The following RANBP2 variants were observed in gnomAD, a reference collection of about 807,000 sequenced individuals.
RANBP2 encodes RAN binding protein 2.
A neutral mutation model predicts 303.6 loss-of-function variants in RANBP2; 57 were observed. That is an observed-to-expected ratio of 0.19 (90% CI 0.15 to 0.23). The LOEUF is 0.23. Ranked by LOEUF, RANBP2 falls within the 10% of genes least tolerant of loss-of-function variation. The pLI is 1.00. For missense variants in RANBP2, 3,138 were observed against 3,780.8 expected (o/e 0.83, Z 4.46); for synonymous variants, 1,167 against 1,301.5 (o/e 0.90, Z 2.23).
chr2:109,341,620 A>G, the RANBP2 span, among the ~76,000 whole-genome samples: 2 of 152,180 alleles, frequency 1.3e-5, no homozygotes, highest in Non-Finnish European at 2.9e-5. Context: ...TTCTTACTTC[A>G]TGGTATGGGG....
the RANBP2 span, among the ~76,000 whole-genome samples, chr2:108,843,844 T>TTGTGTGTG: frequency 5.7e-3 from 129 of 22,820 alleles, 2 homozygotes; most frequent in South Asian, 0.013. Flanking sequence ...AGTTCATGTT[T>TTGTGTGTG]TGTGTGTGTG....
chr2:109,276,560 A>G, the RANBP2 span, among the ~76,000 whole-genome samples: 1 of 152,218 alleles, frequency 6.6e-6, no homozygotes, highest in African/African-American at 2.4e-5. Flanking sequence ...GTAACTGGAG[A>G]AAACTTGTGT....
chr2:109,446,251 C>T, the RANBP2 span, among the ~76,000 whole-genome samples: 2 of 152,124 alleles, frequency 1.3e-5, no homozygotes, highest in Non-Finnish European at 2.9e-5. Flanking sequence ...TCTGTGAAAT[C>T]GGAAGTGACA....
chr2:109,615,797 G>A, the RANBP2 span: 3 of 1,614,088 alleles, frequency 1.9e-6, no homozygotes, highest in Admixed American at 1.7e-5. Context: ...AAGATGGAGG[G>A]GACCATCACC....
chr2:109,032,476 G>A, the RANBP2 span, among the ~76,000 whole-genome samples: 9 of 152,286 alleles, frequency 5.9e-5, no homozygotes, highest in Middle Eastern at 3.4e-3. Context: ...GACATCGGTC[G>A]AATGTGTGAG....
the RANBP2 span, among the ~76,000 whole-genome samples, chr2:109,571,315 G>A: frequency 6.6e-6 from 1 of 152,172 alleles, no homozygotes; most frequent in Non-Finnish European, 1.5e-5. Flanking sequence ...AAATGCGATA[G>A]AAATATGATC....
the RANBP2 span, among the ~76,000 whole-genome samples, chr2:109,070,468 T>C: frequency 3.9e-5 from 6 of 152,052 alleles, no homozygotes; most frequent in African/African-American, 1.4e-4. Flanking sequence ...TGGGAGGTGA[T>C]TGGGTCGTGG....
the RANBP2 span, among the ~76,000 whole-genome samples, chr2:108,950,286 T>C: frequency 6.6e-6 from 1 of 151,672 alleles, no homozygotes. Context: ...TTTCTTTTTT[T>C]TCTTTTTTTG....
the RANBP2 span, among the ~76,000 whole-genome samples, chr2:109,686,620 A>AT: frequency 4.6e-5 from 7 of 151,028 alleles, no homozygotes; most frequent in Admixed American, 1.3e-4. Context: ...GCTTCTTACT[A>AT]TTTTTTTTTA....
chr2:108,840,952 C>T, the RANBP2 span, among the ~76,000 whole-genome samples: 1 of 152,116 alleles, frequency 6.6e-6, no homozygotes, highest in African/African-American at 2.4e-5. Flanking sequence ...GCTGGGATTA[C>T]AGATGCCCAC....
chr2:108,879,947 G>A, the RANBP2 span, among the ~76,000 whole-genome samples: 36 of 152,080 alleles, frequency 2.4e-4, no homozygotes, highest in Admixed American at 7.9e-4. Flanking sequence ...GCAGGGTGGT[G>A]GACTATATCT....
chr2:108,942,165 G>A, the RANBP2 span, among the ~76,000 whole-genome samples: 1 of 152,176 alleles, frequency 6.6e-6, no homozygotes, highest in South Asian at 2.1e-4. Flanking sequence ...AGCGCCAGAC[G>A]TGTCACTAAA....
chr2:109,660,497 A>T, the RANBP2 span, among the ~76,000 whole-genome samples: 5 of 152,216 alleles, frequency 3.3e-5, no homozygotes. Flanking sequence ...TGCTCAAAAC[A>T]CCAAGAACCT....
chr2:109,136,400 A>G, the RANBP2 span, among the ~76,000 whole-genome samples: 1 of 152,180 alleles, frequency 6.6e-6, no homozygotes. Context: ...AATTAACTTT[A>G]AAAGAACAGG....
chr2:109,509,824 A>G, the RANBP2 span, among the ~76,000 whole-genome samples: 1 of 152,000 alleles, frequency 6.6e-6, no homozygotes, highest in Admixed American at 6.6e-5. Context: ...CAACATATGA[A>G]TTTTCGGGGA....
At chr2:109,525,655 G>T in the RANBP2 span, among the ~76,000 whole-genome samples, 1 of 152,194 alleles carries the variant, frequency 6.6e-6, no homozygotes, top group Non-Finnish European at 1.5e-5. Context: ...TCACCATCAG[G>T]GTAGCTCAGG....
chr2:109,008,174 A>G, the RANBP2 span, among the ~76,000 whole-genome samples: 415 of 152,286 alleles, frequency 2.7e-3, 2 homozygotes, highest in African/African-American at 7.8e-3. Context: ...GCCCTTGCCA[A>G]ATTTGATCCT....
chr2:109,300,402 A>G, the RANBP2 span, among the ~76,000 whole-genome samples: 6 of 151,874 alleles, frequency 4.0e-5, no homozygotes, highest in Admixed American at 2.6e-4. Flanking sequence ...CTGGTCTCCA[A>G]CTCCTCACCT....
At chr2:109,445,476 TAAGA>T in the RANBP2 span, among the ~76,000 whole-genome samples, 9 of 152,084 alleles carry the variant, frequency 5.9e-5, no homozygotes, top group South Asian at 6.2e-4. Flanking sequence ...AATAAAAATA[TAAGA>T]AAGAGCCAGT....
Sources: allele counts gnomAD v4.1 joint callset (sites outside exome capture counted in the v4.1 genomes callset), GRCh38; gene constraint gnomAD v4.1.1; transcripts MANE v1.5; gene names NCBI Gene and HGNC (gene_info 2026-07-23, HGNC 2026-07-21).